CPSF6: variants seen among roughly 807,000 people sequenced by gnomAD.
CPSF6 encodes cleavage and polyadenylation specific factor 6, also known as cleavage and polyadenylation specificity factor subunit 6.
In CPSF6, 10 loss-of-function variants were observed where a neutral mutation model predicts 56.7. That is an observed-to-expected ratio of 0.18 (90% CI 0.11 to 0.30). The LOEUF is 0.30. Ranked by LOEUF, CPSF6 falls within the 10% of genes least tolerant of loss-of-function variation. The pLI is 1.00. For missense variants in CPSF6, 419 were observed against 722.9 expected, an observed-to-expected ratio of 0.58 and a Z score of 4.82; for synonymous variants, 248 against 244.8, an observed-to-expected ratio of 1.01 and a Z score of -0.12.
Position 69,255,790 on chromosome 12 carries a change from G to GC in CPSF6, c.375-905dup, listed in dbSNP as rs200623598. Among the ~76,000 whole-genome samples the GC allele has an allele frequency of 7.2e-3, 1,091 of 152,202 alleles. 12 individuals carry two copies. The highest frequency in any genetic ancestry group is 0.025 in the African/African-American group (1,029 of 41,520). On this transcript the variant is annotated intron_variant, in intron 3 of 9. Transcript: ENST00000435070. ...CTGACCTCATGATCCTCCTGCCTTG[G>GC]CCTCCCAAAGTGCTGAGATTATAGG...
rs1245036809 is a variant in CPSF6, at chr12:69,258,922, C to G, written c.1027C>G (p.Leu343Val). Reference protein sequence around the residue: ...PPLTLAPPPHLPGPPPGAPPP... With the variant: ...PPLTLAPPPHVPGPPPGAPPP... ...CCTTACACTAGCTCCTCCTCCGCATCTTCCTGGACCACCTCCAGGTGCCCC... is the reference window on the plus strand; with the variant it reads ...CCTTACACTAGCTCCTCCTCCGCATGTTCCTGGACCACCTCCAGGTGCCCC... Residue 343 changes from leucine (L) to valine (V), a missense_variant, in exon 6 of 10, where the codon CTT becomes GTT. Leu to Val is a conservative substitution (Grantham distance 32). Around this residue, in one of 4 missense-constraint regions of CPSF6, gnomAD observed 211 missense variants for 296.0 expected, o/e 0.71. Coordinates refer to ENST00000435070, the MANE Select transcript of CPSF6 (RefSeq NM_007007.3). This position sits in a 1 kb window ranked among gnomAD's most constrained non-coding sequence, Gnocchi z 4.2. 1 of 1,614,164 alleles carries G rather than the reference C, an allele frequency of 6.2e-7. No individual in the cohort carries two copies. The highest frequency in any genetic ancestry group is 8.5e-7 in the Non-Finnish European group (1 of 1,180,024).
At chr12:69,254,217 T>G (rs1037589334) in intron 3 of CPSF6, among the ~76,000 whole-genome samples, 2 of 152,160 alleles carry the variant, frequency 1.3e-5, no homozygotes, top group African/African-American at 4.8e-5. Context: ...AATCTTCTCA[T>G]GGTTTCCTGT....
At position 69,252,139 on chromosome 12, in the gene CPSF6, A is replaced by G. The variant is rs1192585136; in HGVS notation, c.270+801A>G. On this transcript the variant is annotated intron_variant, in intron 2 of 9. Coordinates refer to ENST00000435070, the MANE Select transcript of CPSF6 (RefSeq NM_007007.3). ...ACCCAGGCTGGAGTGCAGTGGTGTA[A>G]TCATAGCTCACTGAAGCCTCAAACT... The G allele has an allele frequency of 4.4e-5, 20 of 453,008 alleles. No individual in the cohort carries two copies. In the Admixed American group the frequency reaches 4.7e-4, roughly 11 times the overall value. The allele number at this position is 453,008 out of a possible 1,614,324, so 28.1% of individuals were successfully genotyped here. A position where few individuals can be genotyped will look rare whatever the true frequency, so the allele number is the denominator to read the frequency against.
In CPSF6 at chr12:69,271,613, T is replaced by TTACAGACAGTGTGAGTGTA. The variant is rs1873246530; in HGVS notation, c.*2106_*2124dup. On this transcript the variant is annotated 3_prime_UTR_variant, in exon 10 of 10. Coordinates refer to ENST00000435070, the MANE Select transcript of CPSF6 (RefSeq NM_007007.3). Reference sequence around the variant, plus strand: ...GGCTGATCTCATTACATGACTTTCGTTACAGACAGTGTGAGTGTACTAGAT... The same window carrying TTACAGACAGTGTGAGTGTA: ...GGCTGATCTCATTACATGACTTTCGTTACAGACAGTGTGAGTGTATACAGACAGTGTGAGTGTACTAGAT... 2.0e-5 allele frequency: 3 copies of TTACAGACAGTGTGAGTGTA among 151,764 alleles called. 1 individual carries two copies. In the South Asian group the frequency reaches 6.2e-4, roughly 31 times the overall value. The allele number at this position is 151,764 out of a possible 1,614,324, so 9.4% of individuals were successfully genotyped here.
At position 69,250,109 on chromosome 12, in the gene CPSF6, G is replaced by A. The variant is rs192119440; in HGVS notation, c.61-1020G>A. Among the ~76,000 whole-genome samples, 72 of 151,904 alleles carry A rather than the reference G, an allele frequency of 4.7e-4. No homozygotes were observed. The East Asian group carries it at 0.013, about 26-fold the overall frequency. ...TCTCTTTACCTTGTTCATTTATTAC[G>A]ACATTTTGAATTATTTACATACCCA... On this transcript the variant is annotated intron_variant, in intron 1 of 9. Coordinates refer to ENST00000435070, the MANE Select transcript of CPSF6 (RefSeq NM_007007.3).
intron 1 of CPSF6, among the ~76,000 whole-genome samples, chr12:69,245,437 A>G (rs1871847825): frequency 6.6e-6 from 1 of 152,202 alleles, no homozygotes; most frequent in African/African-American, 2.4e-5. Context: ...GTAGGTATAT[A>G]TAAAGAAAAA....
In CPSF6 at chr12:69,273,095, A is replaced by G; in HGVS notation, c.*3587A>G. ...TTTTGATTTAGATAAATCAAGATTC[A>G]GGATTAAAGTTTCATTGTAAGTTGA... is the stretch of plus-strand genomic sequence containing the variant. On this transcript the variant is annotated 3_prime_UTR_variant, in exon 10 of 10. Coordinates refer to ENST00000435070, the MANE Select transcript of CPSF6 (RefSeq NM_007007.3). The G allele has an allele frequency of 2.4e-6, 1 of 411,252 alleles. No individual in the cohort carries two copies. The highest frequency in any genetic ancestry group is 5.1e-6 in the Non-Finnish European group (1 of 197,228). The allele number at this position is 411,252 out of a possible 1,614,324, so 25.5% of individuals were successfully genotyped here.
intron 3 of CPSF6, 122 bp from the exon 4 acceptor site, chr12:69,256,575 T>G: frequency 1.1e-6 from 1 of 946,192 alleles, no homozygotes; most frequent in Non-Finnish European, 1.6e-6. Flanking sequence ...ATTACAGGCA[T>G]GAGCCACTGT....
At chr12:69,259,642 G>T in intron 7 of CPSF6, 99 bp downstream of exon 7, 1 of 989,226 alleles carries the variant, frequency 1.0e-6, no homozygotes, top group South Asian at 1.8e-5. Context: ...ACATGTAGTA[G>T]TTCTTTTTAT....
intron 1 of CPSF6, among the ~76,000 whole-genome samples, chr12:69,239,952 GC>G (rs532213887): frequency 2.7e-5 from 4 of 150,340 alleles, no homozygotes; most frequent in Admixed American, 1.3e-4. Flanking sequence ...CTGTGCAGCT[GC>G]CGCCGGCTCC....
chr12:69,252,059 C>T (rs1565645427), intron 2 of CPSF6: 1 of 455,738 alleles, frequency 2.2e-6, no homozygotes, highest in Non-Finnish European at 4.4e-6. Context: ...TATTTTTAAA[C>T]GTTTTATTTA....
intron 1 of CPSF6, among the ~76,000 whole-genome samples, chr12:69,242,540 A>G (rs1197911445): frequency 6.6e-6 from 1 of 152,142 alleles, no homozygotes; most frequent in Non-Finnish European, 1.5e-5. Flanking sequence ...TGGAGAATGA[A>G]GGGGGGAGGA....
Position 69,251,186 on chromosome 12 carries a change from T to A in CPSF6, c.118T>A (p.Ser40Thr). ...IDLYDDVISPSANNGDAPEDR... is the reference protein window; with the variant it reads ...IDLYDDVISPTANNGDAPEDR... ...TTTGTATGACGATGTCATATCTCCA[T>A]CTGCAAATAATGGAGATGCCCCAGA... Residue 40 changes from serine to threonine, a missense_variant, in exon 2 of 10, where the codon TCT becomes ACT. Physicochemically the swap from Ser to Thr is moderately conservative, Grantham distance 58. Coordinates refer to ENST00000435070, the MANE Select transcript of CPSF6 (RefSeq NM_007007.3). The A allele has an allele frequency of 6.2e-7, 1 of 1,613,226 alleles. No homozygotes were observed. Among genetic ancestry groups the A allele is most frequent in the South Asian group, 1.1e-5 (1 of 91,018 alleles).
intron 1 of CPSF6, among the ~76,000 whole-genome samples, chr12:69,249,321 AAG>A (rs1872109456): frequency 6.6e-6 from 1 of 151,944 alleles, no homozygotes; most frequent in East Asian, 1.9e-4. Flanking sequence ...AAATAAATAA[AAG>A]ATCTTATTCT....
chr12:69,245,844 G>A (rs2120442664), intron 1 of CPSF6, among the ~76,000 whole-genome samples: 1 of 152,340 alleles, frequency 6.6e-6, no homozygotes, highest in African/African-American at 2.4e-5. Flanking sequence ...CCAGCAGTTT[G>A]GGAGGCTGAA....
intron 1 of CPSF6, among the ~76,000 whole-genome samples, chr12:69,240,418 T>C (rs1373191132): frequency 1.3e-5 from 2 of 152,200 alleles, no homozygotes. Context: ...GGTGCGCTGG[T>C]CCTGCCTCAT....
In CPSF6 at chr12:69,270,450, A is replaced by G. The variant is rs900873394; in HGVS notation, c.*942A>G. ...ACAATTCCGATTTGATGCTGCAATT[A>G]CTTGCTGTTTTTATTGATCTTATGG... On this transcript the variant is annotated 3_prime_UTR_variant, in exon 10 of 10. Coordinates refer to ENST00000435070, the MANE Select transcript of CPSF6 (RefSeq NM_007007.3). The G allele has an allele frequency of 6.6e-6, 1 of 151,972 alleles. No homozygotes were observed. The highest frequency in any genetic ancestry group is 6.6e-5 in the Admixed American group (1 of 15,230). 9.4% of individuals were successfully genotyped at this position (151,972 alleles called of 1,614,324 possible).
At chr12:69,254,355 C>T (rs942719251) in intron 3 of CPSF6, among the ~76,000 whole-genome samples, 10 of 152,186 alleles carry the variant, frequency 6.6e-5, no homozygotes, top group African/African-American at 2.2e-4. Flanking sequence ...CCAATTCCTA[C>T]CTAGGACCTT....
chr12:69,251,406 T>A (rs1872236058), intron 2 of CPSF6, 68 bp downstream of exon 2: 1 of 1,039,680 alleles, frequency 9.6e-7, no homozygotes, highest in African/African-American at 1.6e-5. Flanking sequence ...TAATTAATGT[T>A]TTTCTCCAGA....
Sources: gnomAD v4.1 joint callset for allele counts (sites outside exome capture counted in the v4.1 genomes callset) on GRCh38, gnomAD v4.1.1 for gene constraint, gnomAD v4.1.1 regional missense constraint, Gnocchi (gnomAD v3.1) non-coding constraint, MANE v1.5 for transcripts, NCBI Gene and HGNC (gene_info 2026-07-23, HGNC 2026-07-21) for gene names.